The following MINPP1 variants were observed in gnomAD, a reference collection of about 807,000 sequenced individuals.
MINPP1 encodes the protein multiple inositol-polyphosphate phosphatase 1.
MINPP1 carries 28 observed loss-of-function variants against 46.1 expected under a neutral mutation model. That is an observed-to-expected ratio of 0.61 (90% CI 0.45 to 0.83). The LOEUF (loss-of-function observed/expected upper bound fraction) is 0.83. Among genes scored for constraint, MINPP1 ranks in the 40% least tolerant of loss-of-function variants. MINPP1 has a pLI of 0.00. For missense variants in MINPP1, 603 were observed against 610.0 expected, an observed-to-expected ratio of 0.99 and a Z score of 0.12; for synonymous variants, 268 against 249.1, an observed-to-expected ratio of 1.08 and a Z score of -0.72.
At chr10:87,519,861 C>T (rs886714880) in intron 3 of MINPP1, among the ~76,000 whole-genome samples, 3 of 152,118 alleles carry the variant, frequency 2.0e-5, no homozygotes, top group Admixed American at 6.5e-5. Flanking sequence ...GATTTCAGTT[C>T]TCCACTTCTA....
intron 4 of MINPP1, among the ~76,000 whole-genome samples, chr10:87,540,937 T>A (rs548030165): frequency 9.2e-5 from 14 of 152,238 alleles, no homozygotes; most frequent in Non-Finnish European, 1.3e-4. Context: ...TAAATACTTT[T>A]GTGAATTTGT....
chr10:87,521,822 TTTG>T (rs1337628886), intron 4 of MINPP1, among the ~76,000 whole-genome samples: 1 of 152,208 alleles, frequency 6.6e-6, no homozygotes, highest in Admixed American at 6.5e-5. Flanking sequence ...AGAAAAAGCT[TTTG>T]TTAACATTTA....
At chr10:87,510,399 G>A (rs1002251646) in intron 2 of MINPP1, among the ~76,000 whole-genome samples, 4 of 152,104 alleles carry the variant, frequency 2.6e-5, no homozygotes, top group African/African-American at 7.2e-5. Flanking sequence ...TGAATGACTC[G>A]ATTTGTAAGT....
intron 3 of MINPP1, among the ~76,000 whole-genome samples, chr10:87,514,588 G>A (rs939515521): frequency 5.3e-5 from 8 of 152,116 alleles, no homozygotes; most frequent in African/African-American, 1.9e-4. Flanking sequence ...GTTTTTGGAT[G>A]TGTCTGATAT....
Position 87,512,008 on chromosome 10 carries a change from C to T in MINPP1, c.836-1116C>T, listed in dbSNP as rs769803763. ...CAGAACTAGTGCAAAATGCATGTAA[C>T]GCCAGTTGATTTTTGGTCCCATTTT... On this transcript the variant is annotated intron_variant, in intron 2 of 4. Coordinates refer to ENST00000371996, the MANE Select transcript of MINPP1 (RefSeq NM_004897.5). Among the ~76,000 whole-genome samples the T allele has an allele frequency of 1.4e-4, 22 of 152,038 alleles. 1 individual carries two copies. Among genetic ancestry groups the T allele is most frequent in the Admixed American group, 7.9e-4 (12 of 15,244 alleles).
chr10:87,540,829 A>T (rs1458335786), intron 4 of MINPP1, among the ~76,000 whole-genome samples: 1 of 152,190 alleles, frequency 6.6e-6, no homozygotes, highest in Non-Finnish European at 1.5e-5. Context: ...ATGTTCATAG[A>T]CTTGGAACCA....
At chr10:87,550,497 T>G (rs1851946713) in intron 4 of MINPP1, among the ~76,000 whole-genome samples, 1 of 152,206 alleles carries the variant, frequency 6.6e-6, no homozygotes, top group Non-Finnish European at 1.5e-5. Context: ...ACAGTTTCAG[T>G]GTACTTTTTG....
At chr10:87,526,466 T>G (rs1488070697) in intron 4 of MINPP1, among the ~76,000 whole-genome samples, 1 of 152,210 alleles carries the variant, frequency 6.6e-6, no homozygotes, top group Non-Finnish European at 1.5e-5. Context: ...GATGGGTAGA[T>G]TGTAAAAATT....
chr10:87,521,189 T>C lies in MINPP1; in HGVS notation c.1067+20T>C, dbSNP rs946495364. 1 of 1,603,640 alleles carries C rather than the reference T, an allele frequency of 6.2e-7. No individual in the cohort carries two copies. Among genetic ancestry groups the C allele is most frequent in the South Asian group, 1.1e-5 (1 of 89,544 alleles). On this transcript the variant is annotated intron_variant, in intron 4 of 4. Transcript: ENST00000371996. Reference sequence around the variant, plus strand: ...ACAAAGGTAAGAACTTTCTAAAAAATGTGAAGTACATTTTGAGTTACTACT... The same window carrying C: ...ACAAAGGTAAGAACTTTCTAAAAAACGTGAAGTACATTTTGAGTTACTACT...
chr10:87,535,466 A>T (rs907576848), intron 4 of MINPP1, among the ~76,000 whole-genome samples: 6 of 152,256 alleles, frequency 3.9e-5, no homozygotes, highest in Non-Finnish European at 8.8e-5. Context: ...AATAAGGAAG[A>T]CATCAAGGAA....
At position 87,549,646 on chromosome 10, in the gene MINPP1, A is replaced by C. The variant is rs151334481; in HGVS notation, c.1068-2436A>C. Among the ~76,000 whole-genome samples, 433 of 152,302 alleles carry C rather than the reference A, an allele frequency of 2.8e-3. 2 individuals are homozygous for C. The highest frequency in any genetic ancestry group is 4.2e-3 in the Admixed American group (64 of 15,296). ...GGATATATCGTCATATCTTGTCCCC[A>C]GTTTATTAGAGTTCTTCTGTGGGGG... On this transcript the variant is annotated intron_variant, in intron 4 of 4. Coordinates refer to ENST00000371996, the MANE Select transcript of MINPP1 (RefSeq NM_004897.5).
intron 4 of MINPP1, among the ~76,000 whole-genome samples, chr10:87,542,058 T>C (rs938761272): frequency 6.6e-6 from 1 of 152,182 alleles, no homozygotes; most frequent in Admixed American, 6.6e-5. Flanking sequence ...CTTAACTCAT[T>C]CCAGCATTAA....
intron 3 of MINPP1, among the ~76,000 whole-genome samples, chr10:87,518,259 CTT>C (rs75624180): frequency 1.4e-5 from 2 of 144,942 alleles, no homozygotes; most frequent in Admixed American, 6.9e-5. Context: ...GCACCCGGCC[CTT>C]TTTTTTTTTT....
At chr10:87,522,484 A>T (rs1372050420) in intron 4 of MINPP1, among the ~76,000 whole-genome samples, 1 of 152,076 alleles carries the variant, frequency 6.6e-6, no homozygotes, top group East Asian at 2.0e-4. Context: ...TGAATATCAC[A>T]ATGAAGGGAG....
chr10:87,535,878 G>A (rs1484229097), intron 4 of MINPP1, among the ~76,000 whole-genome samples: 4 of 152,216 alleles, frequency 2.6e-5, no homozygotes, highest in East Asian at 3.9e-4. Flanking sequence ...AGGGTGAGCC[G>A]TGATCATGCC....
At chr10:87,513,040 A>G (rs1040164382) in intron 2 of MINPP1, 84 bp from the exon 3 acceptor site, 29 of 924,494 alleles carry the variant, frequency 3.1e-5, no homozygotes, top group Non-Finnish European at 4.9e-5. Context: ...GAGCTGTACC[A>G]CACATGGCAT....
chr10:87,521,140 C>T lies in MINPP1; in HGVS notation c.1038C>T (p.His346=). 1.2e-6 allele frequency: 2 copies of T among 1,611,822 alleles called. No homozygotes were observed. The highest frequency in any genetic ancestry group is 1.7e-6 in the Non-Finnish European group (2 of 1,178,560). The stretch of plus-strand genomic sequence containing the variant: ...CCTTGTTTCAGGATATCTTTCAGCA[C>T]TTGGACAAAGCAGTTGAACAGAAAC... ...SCTLFQDIFQ[H]LDKAVEQKQR... Residue 346 remains histidine (H), a synonymous_variant, in exon 4 of 5, where the codon CAC becomes CAT. Transcript: ENST00000371996.
chr10:87,508,653 T>C (rs1032900329), intron 2 of MINPP1, 120 bp downstream of exon 2: 5 of 1,011,136 alleles, frequency 4.9e-6, no homozygotes, highest in East Asian at 5.2e-5. Flanking sequence ...ATTAAGAAAA[T>C]AATATGTTCT....
chr10:87,534,418 C>CT (rs1210539042), intron 4 of MINPP1, among the ~76,000 whole-genome samples: 19 of 152,182 alleles, frequency 1.2e-4, no homozygotes. Context: ...TGGCTGTACT[C>CT]TGAATTCATA....
Sources: allele counts gnomAD v4.1 joint callset (sites outside exome capture counted in the v4.1 genomes callset), GRCh38; gene constraint gnomAD v4.1.1; transcripts MANE v1.5; gene names NCBI Gene and HGNC (gene_info 2026-07-23, HGNC 2026-07-21).